SHISA9: variants seen among roughly 807,000 people sequenced by gnomAD.
The protein encoded by SHISA9 is shisa family member 9.
A neutral mutation model predicts 38.0 loss-of-function variants in SHISA9; 13 were observed. The ratio of observed to expected loss-of-function variants is 0.34; its 90% CI spans 0.22 to 0.54. SHISA9 has a LOEUF of 0.54. Ranked by LOEUF, SHISA9 falls within the 20% of genes least tolerant of loss-of-function variation. The probability of loss-of-function intolerance (pLI) is 0.91; values close to 1 mark genes in which losing one functional copy is unlikely to be tolerated. For synonymous variants in SHISA9, 275 were observed against 242.0 expected (o/e 1.14, Z -1.27); for missense variants, 538 against 575.8 (o/e 0.93, Z 0.67).
At chr16:13,110,804 C>T (rs561283558) in intron 2 of SHISA9, among the ~76,000 whole-genome samples, 17 of 152,274 alleles carry the variant, frequency 1.1e-4, no homozygotes, top group African/African-American at 4.1e-4. Context: ...CTTTGTATGT[C>T]CAAGAGACAA....
the SHISA9 span, among the ~76,000 whole-genome samples, chr16:13,510,259 G>A: frequency 6.6e-6 from 1 of 152,202 alleles, no homozygotes; most frequent in Non-Finnish European, 1.5e-5. Flanking sequence ...AGTGAGCCGA[G>A]ATTGTGCCAC....
rs142566316 is a variant in SHISA9 at position 12,963,414 on chromosome 16, A to T, written c.691+46599A>T. 1.3e-3 allele frequency among the ~76,000 whole-genome samples: 200 copies of T among 152,310 alleles called. 1 individual carries two copies. Among genetic ancestry groups the T allele is most frequent in the African/African-American group, 4.5e-3 (186 of 41,572 alleles). ...CTCCTAGTGTAGCAAGAGATGTGAC[A>T]CAGACGTAAATAACCATAACATCAG... On this transcript the variant is annotated intron_variant, in intron 2 of 4. Transcript: ENST00000558583.
chr16:12,944,227 A>G (rs1433319922), intron 2 of SHISA9, among the ~76,000 whole-genome samples: 4 of 152,232 alleles, frequency 2.6e-5, no homozygotes, highest in Non-Finnish European at 5.9e-5. Flanking sequence ...GCCTAGTACA[A>G]TGTCTGGCAC....
rs1286652777 is a variant in SHISA9 at position 13,201,405 on chromosome 16, A to AT, written c.692-1984dup. 1.5e-5 allele frequency among the ~76,000 whole-genome samples: 2 copies of AT among 135,372 alleles called. 1 individual carries two copies. The highest frequency in any genetic ancestry group is 5.8e-5 in the African/African-American group (2 of 34,434). 88.8% of individuals were successfully genotyped at this position (135,372 alleles called of 152,430 possible). A position where few individuals can be genotyped will look rare whatever the true frequency, so the allele number is the denominator to read the frequency against. ...GTTATGTAAATAGTTGTTACACTGT[A>AT]TTTTTACTTGTATTATTTTTAACTA... On this transcript the variant is annotated intron_variant, in intron 2 of 4. Coordinates refer to ENST00000558583, the MANE Select transcript of SHISA9 (RefSeq NM_001145204.3).
the SHISA9 span, among the ~76,000 whole-genome samples, chr16:13,279,096 T>C: frequency 1.7e-4 from 26 of 151,736 alleles, no homozygotes; most frequent in Non-Finnish European, 3.1e-4. Flanking sequence ...CCAGAGGGTT[T>C]GCATTCAGTT....
chr16:12,932,354 T>G (rs2071472593), intron 2 of SHISA9, among the ~76,000 whole-genome samples: 1 of 152,168 alleles, frequency 6.6e-6, no homozygotes, highest in Non-Finnish European at 1.5e-5. Flanking sequence ...GATTTTTTTC[T>G]TTTTTGAGAT....
the SHISA9 span, among the ~76,000 whole-genome samples, chr16:13,499,538 G>C: frequency 1.3e-5 from 2 of 152,134 alleles, no homozygotes; most frequent in Admixed American, 1.3e-4. Flanking sequence ...TTGTCTCTGG[G>C]TTCTGGGGTT....
chr16:12,985,402 G>A (rs1567172924), intron 2 of SHISA9, among the ~76,000 whole-genome samples: 1 of 152,132 alleles, frequency 6.6e-6, no homozygotes, highest in Non-Finnish European at 1.5e-5. Flanking sequence ...AACTTGCTGA[G>A]TCTCAGTTTG....
the SHISA9 span, among the ~76,000 whole-genome samples, chr16:13,476,714 C>T: frequency 1.4e-5 from 2 of 144,406 alleles, no homozygotes; most frequent in Admixed American, 6.9e-5. Flanking sequence ...TTTTGTCATT[C>T]AGCCTCAAGC....
the SHISA9 span, among the ~76,000 whole-genome samples, chr16:13,472,681 A>C: frequency 6.6e-6 from 1 of 151,688 alleles, no homozygotes; most frequent in African/African-American, 2.4e-5. Context: ...CGTGAGCCAC[A>C]ATGCCCGGCC....
At chr16:13,388,304 T>C in the SHISA9 span, among the ~76,000 whole-genome samples, 1 of 149,950 alleles carries the variant, frequency 6.7e-6, no homozygotes, top group Non-Finnish European at 1.5e-5. Flanking sequence ...TCCCAGAATT[T>C]GGGGAATTTT....
the SHISA9 span, among the ~76,000 whole-genome samples, chr16:13,550,846 A>G: frequency 2.6e-5 from 4 of 151,920 alleles, no homozygotes; most frequent in South Asian, 2.1e-4. Context: ...GGCACAGGCC[A>G]GGTGCAGTGG....
chr16:13,164,413 T>C (rs899422972), intron 2 of SHISA9, among the ~76,000 whole-genome samples: 1 of 152,130 alleles, frequency 6.6e-6, no homozygotes, highest in Non-Finnish European at 1.5e-5. Context: ...TTTTAACCTA[T>C]GTTTTTGATG....
the SHISA9 span, among the ~76,000 whole-genome samples, chr16:13,284,181 C>A: frequency 6.6e-6 from 1 of 152,300 alleles, no homozygotes; most frequent in Non-Finnish European, 1.5e-5. Context: ...CTGCATCACA[C>A]TGGAGAAATT....
chr16:13,263,293 C>T, the SHISA9 span, among the ~76,000 whole-genome samples: 1 of 152,170 alleles, frequency 6.6e-6, no homozygotes, highest in Non-Finnish European at 1.5e-5. Flanking sequence ...TGTGTCCCCA[C>T]CCAAATCTCA....
chr16:13,090,704 G>A lies in SHISA9; in HGVS notation c.692-112690G>A, dbSNP rs1255870842. Among the ~76,000 whole-genome samples the A allele has an allele frequency of 5.9e-5, 9 of 152,150 alleles. No individual in the cohort carries two copies. The South Asian group carries it at 6.2e-4, about 11-fold the overall frequency. On this transcript the variant is annotated intron_variant, in intron 2 of 4. Transcript: ENST00000558583. ...TTTGAGCCTATGTGCATCGTTGCAC[G>A]TGAAATGGGTCTCTTGAATACAGCA...
the SHISA9 span, among the ~76,000 whole-genome samples, chr16:13,518,511 C>A: frequency 6.6e-6 from 1 of 152,152 alleles, no homozygotes. Flanking sequence ...CCTCCCTGCA[C>A]TTCATCCCAG....
the SHISA9 span, among the ~76,000 whole-genome samples, chr16:13,430,401 A>G: frequency 6.6e-6 from 1 of 152,138 alleles, no homozygotes; most frequent in Non-Finnish European, 1.5e-5. Context: ...GAATCTGATG[A>G]TTTGCAAACT....
At chr16:12,909,834 TCC>T (rs1364324159) in intron 1 of SHISA9, 6 of 142,206 alleles carry the variant, frequency 4.2e-5, no homozygotes, top group African/African-American at 1.5e-4. Context: ...TCTCCTTCCC[TCC>T]TTCCCTTCCC....
Sources: allele counts gnomAD v4.1 joint callset (sites outside exome capture counted in the v4.1 genomes callset), GRCh38; gene constraint gnomAD v4.1.1; transcripts MANE v1.5; gene names NCBI Gene and HGNC (gene_info 2026-07-23, HGNC 2026-07-21).